MPPED2: variants seen among roughly 807,000 people sequenced by gnomAD.
MPPED2 encodes metallophosphoesterase domain containing 2, also known as metallophosphoesterase MPPED2.
Under a neutral mutation model 33.0 loss-of-function variants are expected in MPPED2, and 5 were observed. The observed-to-expected ratio is 0.15, with a 90% CI of 0.08 to 0.32. MPPED2 has a LOEUF of 0.32. Among genes scored for constraint, MPPED2 ranks in the 10% least tolerant of loss-of-function variants. The pLI is 1.00. For missense variants in MPPED2, 275 were observed against 372.1 expected (o/e 0.74, Z 2.15); for synonymous variants, 136 against 141.9 (o/e 0.96, Z 0.29).
chr11:30,522,388 ACAC>A (rs1953922294), intron 3 of MPPED2, among the ~76,000 whole-genome samples: 1 of 1,242 alleles, frequency 8.1e-4, no homozygotes, highest in Admixed American at 2.1e-3. Context: ...AGGAAAACAT[ACAC>A]ACACACACAC....
At chr11:30,386,679 C>T (rs545133901) in exon 7 of MPPED2, 375 of 398,454 alleles carry the variant, frequency 9.4e-4, no homozygotes, top group African/African-American at 7.1e-3. Context: ...ATGAACAGAA[C>T]TCAAATCAGA....
intron 3 of MPPED2, among the ~76,000 whole-genome samples, chr11:30,528,189 A>AGGATACTG: frequency 6.6e-6 from 1 of 152,224 alleles, no homozygotes; most frequent in Non-Finnish European, 1.5e-5. Context: ...CACACCAGCC[A>AGGATACTG]TTAACAGTAG....
intron 4 of MPPED2, among the ~76,000 whole-genome samples, chr11:30,442,511 G>T (rs767327182): frequency 2.6e-5 from 4 of 152,168 alleles, no homozygotes; most frequent in African/African-American, 9.7e-5. Flanking sequence ...TTAAAATAAA[G>T]TGATGTGTTG....
At chr11:30,536,872 C>G (rs1490958044) in intron 2 of MPPED2, among the ~76,000 whole-genome samples, 1 of 151,958 alleles carries the variant, frequency 6.6e-6, no homozygotes, top group Non-Finnish European at 1.5e-5. Context: ...CCCAGTTACA[C>G]CTGAGGTTAC....
chr11:30,501,860 T>G (rs1952580100), intron 3 of MPPED2, among the ~76,000 whole-genome samples: 1 of 152,202 alleles, frequency 6.6e-6, no homozygotes, highest in Admixed American at 6.5e-5. Flanking sequence ...ACATGCCACT[T>G]ATAATGGCTC....
chr11:30,392,897 T>C (rs967529760), intron 6 of MPPED2, among the ~76,000 whole-genome samples: 2 of 152,184 alleles, frequency 1.3e-5, no homozygotes, highest in Non-Finnish European at 2.9e-5. Flanking sequence ...GTGTGTCCAC[T>C]AGCTTCTTTC....
intron 4 of MPPED2, among the ~76,000 whole-genome samples, chr11:30,454,828 G>C (rs572005909): frequency 6.6e-6 from 1 of 152,300 alleles, no homozygotes; most frequent in East Asian, 1.9e-4. Context: ...AAAAATCAGA[G>C]AGCCTATAAG....
chr11:30,565,468 T>C (rs1171027040), intron 2 of MPPED2, among the ~76,000 whole-genome samples: 1 of 152,222 alleles, frequency 6.6e-6, no homozygotes, highest in East Asian at 1.9e-4. Flanking sequence ...CAGGTACTTA[T>C]CAAAGACGTA....
intron 3 of MPPED2, among the ~76,000 whole-genome samples, chr11:30,508,202 G>A (rs763815487): frequency 2.0e-5 from 3 of 152,128 alleles, no homozygotes; most frequent in Admixed American, 6.6e-5. Context: ...TCTGCTGAAC[G>A]TTGTTCCAAA....
intron 4 of MPPED2, among the ~76,000 whole-genome samples, chr11:30,463,494 A>G (rs1307541054): frequency 6.6e-6 from 1 of 152,204 alleles, no homozygotes; most frequent in South Asian, 2.1e-4. Flanking sequence ...TGGTGCAGGC[A>G]TGAGCATAGG....
chr11:30,580,541 G>A, intron 1 of MPPED2, 47 bp from the exon 2 acceptor site: 2 of 1,411,914 alleles, frequency 1.4e-6, no homozygotes, highest in South Asian at 1.6e-5. Context: ...AAGAGAAAAA[G>A]GGTGTTCTAA....
At position 30,580,409 on chromosome 11, in the gene MPPED2, T is replaced by C. The variant is rs1957112260; in HGVS notation, c.-36A>G. On this transcript the variant is annotated 5_prime_UTR_variant, in exon 2 of 7. Coordinates refer to ENST00000358117, the MANE Select transcript of MPPED2 (RefSeq NM_001584.3). ...TATAGGCATGAGCAATTCACAACTT[T>C]ACAGAGCAAAAGATGGAAGCAGGCA... 1.2e-6 allele frequency: 2 copies of C among 1,610,932 alleles called. No homozygotes were observed. The highest frequency in any genetic ancestry group is 4.5e-5 in the East Asian group (2 of 44,804).
chr11:30,523,621 C>CTTTTTTT (rs755853042), intron 3 of MPPED2, among the ~76,000 whole-genome samples: 2 of 104,600 alleles, frequency 1.9e-5, no homozygotes, highest in African/African-American at 8.0e-5. Context: ...AGCAACACAT[C>CTTTTTTT]TTTTTTTTTT....
intron 2 of MPPED2, among the ~76,000 whole-genome samples, chr11:30,539,022 C>T (rs936070840): frequency 6.6e-6 from 1 of 152,162 alleles, no homozygotes; most frequent in African/African-American, 2.4e-5. Context: ...TTTCCACCCA[C>T]AGGCATAGAG....
chr11:30,561,816 C>T (rs1394307370), intron 2 of MPPED2, among the ~76,000 whole-genome samples: 1 of 152,170 alleles, frequency 6.6e-6, no homozygotes, highest in Non-Finnish European at 1.5e-5. Context: ...ACTTCAGTAG[C>T]CTACCAAGTG....
At chr11:30,401,618 T>G (rs1376397904) in intron 6 of MPPED2, among the ~76,000 whole-genome samples, 4 of 152,204 alleles carry the variant, frequency 2.6e-5, no homozygotes, top group Non-Finnish European at 5.9e-5. Flanking sequence ...ATCCATAGAT[T>G]CAACTGAAAG....
chr11:30,391,695 T>C (rs1252004059), intron 6 of MPPED2, among the ~76,000 whole-genome samples: 1 of 152,250 alleles, frequency 6.6e-6, no homozygotes, highest in Non-Finnish European at 1.5e-5. Context: ...TAGTTCTCAT[T>C]ATTTTCCAAT....
chr11:30,386,577 C>T, exon 7 of MPPED2: 1 of 396,700 alleles, frequency 2.5e-6, no homozygotes, highest in East Asian at 3.6e-5. Context: ...TTTATGGCAG[C>T]AAAAACAGAC....
At chr11:30,444,770 T>C (rs1949730902) in intron 4 of MPPED2, among the ~76,000 whole-genome samples, 1 of 152,226 alleles carries the variant, frequency 6.6e-6, no homozygotes, top group South Asian at 2.1e-4. Flanking sequence ...AAAAAATATT[T>C]GCAGTAAAAC....
Sources: gnomAD v4.1 joint callset for allele counts (sites outside exome capture counted in the v4.1 genomes callset) on GRCh38, gnomAD v4.1.1 for gene constraint, MANE v1.5 for transcripts, NCBI Gene and HGNC (gene_info 2026-07-23, HGNC 2026-07-21) for gene names.